The following JARID2 variants were observed in gnomAD, a reference collection of about 807,000 sequenced individuals.
JARID2 encodes protein Jumonji.
JARID2 carries 21 observed loss-of-function variants against 125.6 expected under a neutral mutation model. That is an observed-to-expected ratio of 0.17 (90% CI 0.12 to 0.24). JARID2 has a LOEUF of 0.24. Among genes scored for constraint, JARID2 ranks in the 10% least tolerant of loss-of-function variants. The pLI is 1.00. For missense variants in JARID2, 1,303 were observed against 1,639.6 expected, an observed-to-expected ratio of 0.79 and a Z score of 3.55; for synonymous variants, 736 against 661.6, an observed-to-expected ratio of 1.11 and a Z score of -1.73.
intron 3 of JARID2, among the ~76,000 whole-genome samples, chr6:15,433,836 T>C (rs1561860189): frequency 6.6e-6 from 1 of 152,052 alleles, no homozygotes; most frequent in Non-Finnish European, 1.5e-5. Flanking sequence ...ATACTGTGGC[T>C]GACAATAATG....
intron 1 of JARID2, among the ~76,000 whole-genome samples, chr6:15,358,223 T>G (rs77218037): frequency 0.019 from 2,955 of 152,314 alleles, 100 homozygotes; most frequent in African/African-American, 0.067. Context: ...GTTTACTATT[T>G]CTGCTTATAA....
At position 15,501,232 on chromosome 6, in the gene JARID2, G is replaced by A. The variant is rs751867956; in HGVS notation, c.2271G>A (p.Lys757=). 1.2e-6 allele frequency: 2 copies of A among 1,613,766 alleles called. No individual in the cohort carries two copies. Among genetic ancestry groups the A allele is most frequent in the African/African-American group, 2.7e-5 (2 of 75,062 alleles). ...ACCCTCTGCCCCGCTTCGAGCCCAAGAATGGGCTCATCCACGGCGTGGCCC... is the reference window on the plus strand; with the variant it reads ...ACCCTCTGCCCCGCTTCGAGCCCAAAAATGGGCTCATCCACGGCGTGGCCC... ...KFHPLPRFEP[K]NGLIHGVAPR... Residue 757 remains lysine, a synonymous_variant, in exon 8 of 18, where the codon AAG becomes AAA. Coordinates refer to ENST00000341776, the MANE Select transcript of JARID2 (RefSeq NM_004973.4).
chr6:15,463,539 T>G (rs768091592), intron 4 of JARID2, among the ~76,000 whole-genome samples: 1 of 151,524 alleles, frequency 6.6e-6, no homozygotes, highest in African/African-American at 2.4e-5. Context: ...CAAGTGATTC[T>G]CCTGCTTCAG....
At chr6:15,370,637 G>A (rs189166142) in intron 1 of JARID2, among the ~76,000 whole-genome samples, 21 of 151,946 alleles carry the variant, frequency 1.4e-4, no homozygotes, top group Non-Finnish European at 2.6e-4. Context: ...CACCGCGCCC[G>A]GCCATATCTG....
At chr6:15,397,586 A>G (rs921257364) in intron 2 of JARID2, among the ~76,000 whole-genome samples, 3 of 152,156 alleles carry the variant, frequency 2.0e-5, no homozygotes, top group African/African-American at 7.2e-5. Flanking sequence ...TCCCATCTGA[A>G]AATTCTGACT....
rs539182065 is a variant in JARID2, at chr6:15,453,842, G to A, written c.493+1667G>A. ...TTCCAGGCTCATGGTGTACTTTCCC[G>A]CCCTCAGTCCTGGAATTGGCCATGT... On this transcript the variant is annotated intron_variant, in intron 4 of 17. Coordinates refer to ENST00000341776, the MANE Select transcript of JARID2 (RefSeq NM_004973.4). 1.1e-4 allele frequency among the ~76,000 whole-genome samples: 16 copies of A among 152,044 alleles called. 1 individual carries two copies. Among genetic ancestry groups the A allele is most frequent in the South Asian group, 8.3e-4 (4 of 4,808 alleles).
chr6:15,481,090 C>T (rs17468929), intron 5 of JARID2, among the ~76,000 whole-genome samples: 13,982 of 152,270 alleles, frequency 0.092, 829 homozygotes, highest in South Asian at 0.15. Flanking sequence ...TCTTTTTCAT[C>T]CCTCATTGGG....
chr6:15,498,092 T>C (rs1454303480), intron 7 of JARID2, among the ~76,000 whole-genome samples: 1 of 152,166 alleles, frequency 6.6e-6, no homozygotes, highest in African/African-American at 2.4e-5. Context: ...CTTCAACATA[T>C]GAATTTGGAG....
In JARID2 at chr6:15,390,033, G is replaced by C. The variant is rs1005752482; in HGVS notation, c.181+15781G>C. Among the ~76,000 whole-genome samples the C allele has an allele frequency of 5.3e-5, 8 of 152,184 alleles. 1 individual carries two copies. The highest frequency in any genetic ancestry group is 1.9e-4 in the African/African-American group (8 of 41,436). ...CTTAAATGAGGAGGGCGGTGCTTGA[G>C]TGCTTTATTCAACAGGTGTCCCACC... On this transcript the variant is annotated intron_variant, in intron 2 of 17. Coordinates refer to ENST00000341776, the MANE Select transcript of JARID2 (RefSeq NM_004973.4).
intron 1 of JARID2, among the ~76,000 whole-genome samples, chr6:15,254,868 C>T (rs548835907): frequency 3.4e-4 from 52 of 152,020 alleles, no homozygotes; most frequent in African/African-American, 1.1e-3. Flanking sequence ...GGTGAAACTC[C>T]GTCTCTACTA....
intron 1 of JARID2, among the ~76,000 whole-genome samples, chr6:15,323,745 A>G (rs1021675825): frequency 6.6e-6 from 1 of 152,094 alleles, no homozygotes; most frequent in African/African-American, 2.4e-5. Flanking sequence ...AAATACAAAA[A>G]TTAGCCGGGT....
chr6:15,376,934 T>C (rs1399450705), intron 2 of JARID2, among the ~76,000 whole-genome samples: 1 of 152,126 alleles, frequency 6.6e-6, no homozygotes, highest in Non-Finnish European at 1.5e-5. Context: ...TAGGGGTTGT[T>C]GTAACTGCAA....
Position 15,513,013 on chromosome 6 carries a change from C to A in JARID2, c.3234C>A (p.Leu1078=), listed in dbSNP as rs905311603. The part of the protein sequence containing the change: ...AEAKKENGPT[L]STISALLDEL... ...CAAAAAAAGAAAACGGTCCCACTCT[C>A]AGTACCATCTCAGCCCTCCTGGATG... The change falls in exon 15 of 18, where the codon CTC becomes CTA. Residue 1078 remains leucine (L), a synonymous_variant. Coordinates refer to ENST00000341776, the MANE Select transcript of JARID2 (RefSeq NM_004973.4). 2.5e-6 allele frequency: 4 copies of A among 1,613,992 alleles called. No homozygotes were observed. Among genetic ancestry groups the A allele is most frequent in the Non-Finnish European group, 2.5e-6 (3 of 1,180,032 alleles).
intron 1 of JARID2, among the ~76,000 whole-genome samples, chr6:15,285,677 A>G (rs192372674): frequency 1.7e-4 from 26 of 152,298 alleles, no homozygotes; most frequent in Non-Finnish European, 1.3e-4. Context: ...TAGTTCTCTA[A>G]CATGTTCCCC....
rs530784946 is a variant in JARID2 at position 15,357,044 on chromosome 6, T to C, written c.46-17073T>C. On this transcript the variant is annotated intron_variant, in intron 1 of 17. Coordinates refer to ENST00000341776, the MANE Select transcript of JARID2 (RefSeq NM_004973.4). ...AACAAAAAACAACAACAAAAAACTT[T>C]GTTCGTTTCACAGTTACTTGGCTAT... 4.6e-5 allele frequency among the ~76,000 whole-genome samples: 7 copies of C among 152,304 alleles called. No individual in the cohort carries two copies. The South Asian group carries it at 1.2e-3, about 27-fold the overall frequency.
chr6:15,388,029 T>G (rs944922933), intron 2 of JARID2, among the ~76,000 whole-genome samples: 23 of 152,182 alleles, frequency 1.5e-4, no homozygotes, highest in Non-Finnish European at 2.9e-4. Context: ...GTGACTTGTT[T>G]GTGAATAGGA....
At chr6:15,456,871 T>C (rs1025502223) in intron 4 of JARID2, among the ~76,000 whole-genome samples, 2 of 132,762 alleles carry the variant, frequency 1.5e-5, no homozygotes, top group South Asian at 2.5e-4. Context: ...AAAAACAGGA[T>C]GTTAAGCTTT....
At chr6:15,262,512 A>G (rs952748506) in intron 1 of JARID2, among the ~76,000 whole-genome samples, 6 of 144,416 alleles carry the variant, frequency 4.2e-5, no homozygotes, top group African/African-American at 1.5e-4. Context: ...TGGACATTTG[A>G]GTTGTTTCTA....
intron 3 of JARID2, among the ~76,000 whole-genome samples, chr6:15,410,776 C>G (rs1028696568): frequency 7.2e-5 from 11 of 152,214 alleles, no homozygotes; most frequent in African/African-American, 2.6e-4. Context: ...ACGTTTTTTC[C>G]TTGTCAGGAA....
Sources: gnomAD v4.1 joint callset for allele counts (sites outside exome capture counted in the v4.1 genomes callset) on GRCh38, gnomAD v4.1.1 for gene constraint, MANE v1.5 for transcripts, NCBI Gene and HGNC (gene_info 2026-07-23, HGNC 2026-07-21) for gene names.